MBTD1: variants seen among roughly 807,000 people sequenced by gnomAD.
The protein encoded by MBTD1 is mbt domain containing 1.
MBTD1 carries 24 observed loss-of-function variants against 87.8 expected under a neutral mutation model. That is an observed-to-expected ratio of 0.27 (90% CI 0.20 to 0.38). The LOEUF (loss-of-function observed/expected upper bound fraction) is 0.38, where lower values mean the gene tolerates loss of function less well. MBTD1 is among the 10% of genes least tolerant of loss of function. MBTD1 has a pLI of 1.00. For missense variants in MBTD1, 436 were observed against 760.2 expected, an observed-to-expected ratio of 0.57 and a Z score of 5.02; for synonymous variants, 237 against 248.6, an observed-to-expected ratio of 0.95 and a Z score of 0.44.
intron 2 of MBTD1, among the ~76,000 whole-genome samples, chr17:51,230,756 C>A (rs1403619374): frequency 1.3e-5 from 2 of 152,052 alleles, no homozygotes; most frequent in Admixed American, 6.6e-5. Flanking sequence ...GATGTAGGGG[C>A]CAGATTATGA....
At chr17:51,260,621 C>G (rs747351139), upstream of MBTD1, 6 of 1,612,502 alleles carry the variant, frequency 3.7e-6, no homozygotes, top group African/African-American at 5.3e-5. Context: ...GAAACTGGAC[C>G]GGAGAACCGG....
intron 7 of MBTD1, 138 bp from the exon 8 acceptor site, chr17:51,204,063 G>C: frequency 1.5e-6 from 1 of 682,422 alleles, no homozygotes; most frequent in Non-Finnish European, 2.5e-6. Context: ...CAGATGGCTG[G>C]GTCTCACTCC....
At chr17:51,224,823 C>T (rs949147128) in intron 3 of MBTD1, among the ~76,000 whole-genome samples, 185 bp downstream of exon 3, 1 of 152,078 alleles carries the variant, frequency 6.6e-6, no homozygotes, top group Admixed American at 6.6e-5. Context: ...TATTTGCTTT[C>T]CACCAGGAGG....
intron 2 of MBTD1, among the ~76,000 whole-genome samples, chr17:51,233,265 G>A (rs1188118411): frequency 6.6e-6 from 1 of 152,048 alleles, no homozygotes; most frequent in Non-Finnish European, 1.5e-5. Flanking sequence ...TACTCAGGTA[G>A]ACAGTCTAAT....
chr17:51,189,267 T>G (rs1290617005), intron 16 of MBTD1, among the ~76,000 whole-genome samples: 9 of 152,216 alleles, frequency 5.9e-5, no homozygotes, highest in Non-Finnish European at 2.9e-5. Flanking sequence ...CCAATGCACA[T>G]CTGGTCCCAA....
At chr17:51,204,328 C>A (rs1026290016) in intron 7 of MBTD1, among the ~76,000 whole-genome samples, 11 of 151,948 alleles carry the variant, frequency 7.2e-5, no homozygotes, top group African/African-American at 2.7e-4. Context: ...GCAATCTTGC[C>A]TTACTACAAC....
chr17:51,204,186 T>C lies in MBTD1; in HGVS notation c.605-261A>G, dbSNP rs573858392. On this transcript the variant is annotated intron_variant, in intron 7 of 16. Coordinates refer to ENST00000586178, the MANE Select transcript of MBTD1 (RefSeq NM_017643.3). ...TGAACCAAACTTTGAGAACCATCTGTTCAGTGCAAACAGTTCAACTGTTTT... is the reference window on the plus strand; with the variant it reads ...TGAACCAAACTTTGAGAACCATCTGCTCAGTGCAAACAGTTCAACTGTTTT... 1.3e-4 allele frequency among the ~76,000 whole-genome samples: 20 copies of C among 152,276 alleles called. No homozygotes were observed. In the South Asian group the frequency reaches 3.1e-3, roughly 24 times the overall value.
intron 6 of MBTD1, among the ~76,000 whole-genome samples, chr17:51,213,182 G>C (rs962414662): frequency 6.6e-6 from 1 of 152,072 alleles, no homozygotes; most frequent in African/African-American, 2.4e-5. Context: ...GGGACTACAG[G>C]CATGTGCCAC....
chr17:51,203,942 A>C lies in MBTD1; in HGVS notation c.605-17T>G. 1 of 1,570,958 alleles carries C rather than the reference A, an allele frequency of 6.4e-7. No homozygotes were observed. Among genetic ancestry groups the C allele is most frequent in the South Asian group, 1.2e-5 (1 of 86,488 alleles). On this transcript the variant is annotated splice_polypyrimidine_tract_variant and intron_variant, in intron 7 of 16. Coordinates refer to ENST00000586178, the MANE Select transcript of MBTD1 (RefSeq NM_017643.3). The stretch of plus-strand genomic sequence containing the variant: ...CATTGTAACCTGAAACCCAGAAATA[A>C]ATCACTACATAATAAGAAAATAAAA...
chr17:51,260,638 G>C (rs537645178), upstream of MBTD1: 4 of 1,612,496 alleles, frequency 2.5e-6, no homozygotes, highest in African/African-American at 4.0e-5. Context: ...CCGGAGCGAA[G>C]CCGAAGCGGA....
Position 51,225,120 on chromosome 17 carries a change from G to A in MBTD1, c.42C>T (p.Ser14=). 1.3e-6 allele frequency: 2 copies of A among 1,551,310 alleles called. No homozygotes were observed. Among genetic ancestry groups the A allele is most frequent in the Non-Finnish European group, 1.7e-6 (2 of 1,146,744 alleles). The change falls in exon 3 of 17, where the codon AGC becomes AGT. Residue 14 remains serine (S), a synonymous_variant. Transcript: ENST00000586178. Reference sequence around the variant, plus strand: ...CCTCACTCTCTTCGGAGCTGGAGCTGCTGCTTGTGTCCTCACTGCAGCTAT... The same window carrying A: ...CCTCACTCTCTTCGGAGCTGGAGCTACTGCTTGTGTCCTCACTGCAGCTAT... ...GYDSCSEDTS[S]SSSSEESEEE...
intron 1 of MBTD1, 107 bp from the exon 2 acceptor site, chr17:51,259,313 AC>A: frequency 8.4e-7 from 1 of 1,184,744 alleles, no homozygotes; most frequent in Non-Finnish European, 1.1e-6. Flanking sequence ...CTTCCCAAAC[AC>A]CACTCCCACC....
chr17:51,252,245 G>A (rs1036111507), intron 2 of MBTD1, among the ~76,000 whole-genome samples: 2 of 152,106 alleles, frequency 1.3e-5, no homozygotes, highest in African/African-American at 4.8e-5. Flanking sequence ...ACTTGCCCAA[G>A]ATCATATAAC....
intron 2 of MBTD1, among the ~76,000 whole-genome samples, chr17:51,252,165 A>C (rs2144219881): frequency 6.6e-6 from 1 of 152,348 alleles, no homozygotes; most frequent in African/African-American, 2.4e-5. Flanking sequence ...AATCTGTAGC[A>C]GCGCATTTAA....
At chr17:51,200,180 C>T (rs920365421) in intron 12 of MBTD1, among the ~76,000 whole-genome samples, 7 of 152,080 alleles carry the variant, frequency 4.6e-5, no homozygotes, top group African/African-American at 1.4e-4. Context: ...ATGCAAATCA[C>T]GATTTAAGTT....
At chr17:51,258,008 CAAAAA>C (rs11324573) in intron 2 of MBTD1, among the ~76,000 whole-genome samples, 1 of 136,998 alleles carries the variant, frequency 7.3e-6, no homozygotes. Context: ...GGAGGTGGTG[CAAAAA>C]AAAAAAAAAA....
chr17:51,204,814 C>A (rs955534077), intron 7 of MBTD1, among the ~76,000 whole-genome samples: 5 of 152,150 alleles, frequency 3.3e-5, no homozygotes, highest in African/African-American at 1.2e-4. Context: ...AAATGTATTT[C>A]AAAGAAATTG....
At chr17:51,192,057 C>CAAAA (rs945469756) in intron 16 of MBTD1, 146 bp downstream of exon 16, 11 of 661,636 alleles carry the variant, frequency 1.7e-5, no homozygotes, top group African/African-American at 1.7e-4. Flanking sequence ...AAGGGTTTGC[C>CAAAA]TTTTATGGCA....
At chr17:51,234,697 T>C (rs2053735006) in intron 2 of MBTD1, among the ~76,000 whole-genome samples, 1 of 152,234 alleles carries the variant, frequency 6.6e-6, no homozygotes, top group Admixed American at 6.5e-5. Context: ...TACCAACTTT[T>C]CTTTTTGTTT....
Sources: gnomAD v4.1 joint callset for allele counts (sites outside exome capture counted in the v4.1 genomes callset) on GRCh38, gnomAD v4.1.1 for gene constraint, MANE v1.5 for transcripts, NCBI Gene and HGNC (gene_info 2026-07-23, HGNC 2026-07-21) for gene names.